Variants in CACNA1E observed in about 807,000 individuals in gnomAD.
CACNA1E encodes calcium voltage-gated channel subunit alpha1 E.
Under a neutral mutation model 259.2 loss-of-function variants are expected in CACNA1E, and 40 were observed. The observed-to-expected ratio is 0.15, with a 90% CI of 0.12 to 0.20. The LOEUF (loss-of-function observed/expected upper bound fraction) is 0.20, where lower values mean the gene tolerates loss of function less well. Among genes scored for constraint, CACNA1E ranks in the 10% least tolerant of loss-of-function variants. The pLI, the probability that CACNA1E is intolerant of heterozygous loss-of-function variation, is 1.00. For missense variants in CACNA1E, 1,874 were observed against 3,040.1 expected, an observed-to-expected ratio of 0.62 and a Z score of 9.02; for synonymous variants, 1,104 against 1,138.5, an observed-to-expected ratio of 0.97 and a Z score of 0.61.
intron 2 of CACNA1E, among the ~76,000 whole-genome samples, chr1:181,416,892 C>T (rs368794866): frequency 2.0e-5 from 3 of 152,154 alleles, no homozygotes; most frequent in African/African-American, 7.2e-5. Context: ...CTCTTCCCCA[C>T]GTCTTCAGCT....
At chr1:181,686,291 T>TG (rs1312206325) in intron 7 of CACNA1E, among the ~76,000 whole-genome samples, 3 of 135,816 alleles carry the variant, frequency 2.2e-5, no homozygotes, top group African/African-American at 8.4e-5. Flanking sequence ...TTTTTTTTTT[T>TG]TTTTTTTTTT....
intron 6 of CACNA1E, among the ~76,000 whole-genome samples, chr1:181,641,115 C>T (rs1018434431): frequency 6.6e-6 from 1 of 152,214 alleles, no homozygotes; most frequent in Non-Finnish European, 1.5e-5. Context: ...CTTTCTCATT[C>T]ATCTTGTGCA....
At chr1:181,344,748 T>C (rs1478782717) in intron 1 of CACNA1E, among the ~76,000 whole-genome samples, 2 of 152,208 alleles carry the variant, frequency 1.3e-5, no homozygotes, top group African/African-American at 4.8e-5. Flanking sequence ...GAGTGCAAGA[T>C]AGAGGGCCCT....
intron 3 of CACNA1E, among the ~76,000 whole-genome samples, chr1:181,575,246 C>T (rs1650853969): frequency 6.6e-6 from 1 of 152,146 alleles, no homozygotes; most frequent in Non-Finnish European, 1.5e-5. Flanking sequence ...GGCTGCATGG[C>T]CCTGGCTGCA....
rs781503312 is a variant in CACNA1E at position 181,511,494 on chromosome 1, A to G, written c.496A>G (p.Ile166Val). The change falls in exon 3 of 48, where the codon ATC (isoleucine) becomes GTC (valine). Residue 166 changes from isoleucine to valine, a missense_variant. Transcript: ENST00000367573. The part of the protein sequence containing the change: ...LRNGWNVMDF[I>V]VVLSGILATA... ...CAATGGCTGGAATGTCATGGACTTC[A>G]TCGTGGTCCTCAGTGGGTAAGTCCA... 15 of 1,613,706 alleles carry G rather than the reference A, an allele frequency of 9.3e-6. No individual in the cohort carries two copies. Among genetic ancestry groups the G allele is most frequent in the Non-Finnish European group, 1.3e-5 (15 of 1,179,878 alleles).
intron 2 of CACNA1E, among the ~76,000 whole-genome samples, chr1:181,468,831 T>C (rs1460845338): frequency 2.6e-5 from 4 of 151,922 alleles, no homozygotes; most frequent in Admixed American, 1.3e-4. Context: ...ATGGAGGAGG[T>C]CAATTACAAG....
At chr1:181,612,658 G>A (rs1351281191) in intron 6 of CACNA1E, among the ~76,000 whole-genome samples, 1 of 152,138 alleles carries the variant, frequency 6.6e-6, no homozygotes, top group Non-Finnish European at 1.5e-5. Context: ...TTTTCTTTAA[G>A]GCAGCTGGGA....
chr1:181,353,413 G>C (rs1448562258), intron 1 of CACNA1E, among the ~76,000 whole-genome samples: 1 of 152,210 alleles, frequency 6.6e-6, no homozygotes, highest in East Asian at 1.9e-4. Flanking sequence ...AGAGTCAAGG[G>C]TGGCTTTCTG....
At chr1:181,561,692 A>T (rs1933050) in intron 3 of CACNA1E, among the ~76,000 whole-genome samples, 57,405 of 152,022 alleles carry the variant, frequency 0.38, 13,403 homozygotes, top group East Asian at 0.68. Context: ...CAATCGAGGG[A>T]CATTTCAGTT....
At chr1:181,705,643 G>T (rs1234020365) in intron 7 of CACNA1E, among the ~76,000 whole-genome samples, 1 of 152,204 alleles carries the variant, frequency 6.6e-6, no homozygotes, top group East Asian at 1.9e-4. Context: ...AGCCAGGTTT[G>T]GGGCTGGAGG....
At chr1:181,626,741 C>T (rs1207713185) in intron 6 of CACNA1E, among the ~76,000 whole-genome samples, 1 of 152,208 alleles carries the variant, frequency 6.6e-6, no homozygotes, top group African/African-American at 2.4e-5. Flanking sequence ...TTATGATTCA[C>T]TTTCTCTTTC....
chr1:181,680,676 A>C (rs1348223425), intron 7 of CACNA1E, among the ~76,000 whole-genome samples: 2 of 151,732 alleles, frequency 1.3e-5, no homozygotes, highest in Non-Finnish European at 2.9e-5. Flanking sequence ...ACTTCACCAC[A>C]CCCCATCCCT....
intron 1 of CACNA1E, among the ~76,000 whole-genome samples, chr1:181,370,496 G>A (rs896408209): frequency 1.3e-5 from 2 of 152,070 alleles, no homozygotes; most frequent in Non-Finnish European, 2.9e-5. Context: ...TGTACTCAAT[G>A]TTTGGCTCCC....
At chr1:181,475,924 A>G (rs960636021) in intron 2 of CACNA1E, among the ~76,000 whole-genome samples, 6 of 152,146 alleles carry the variant, frequency 3.9e-5, no homozygotes, top group Non-Finnish European at 8.8e-5. Context: ...TTGAAATGGC[A>G]GGTAAGGATA....
intron 1 of CACNA1E, among the ~76,000 whole-genome samples, chr1:181,371,325 G>A (rs1014078708): frequency 3.3e-5 from 5 of 152,084 alleles, no homozygotes; most frequent in African/African-American, 1.2e-4. Context: ...GCAATAGTGT[G>A]ATCATAGGTC....
At chr1:181,497,695 G>A (rs1180946381) in intron 1 of CACNA1E, among the ~76,000 whole-genome samples, 8 of 152,184 alleles carry the variant, frequency 5.3e-5, no homozygotes, top group African/African-American at 1.9e-4. Context: ...TCTTTCCATT[G>A]TTTCATGCTG....
intron 1 of CACNA1E, among the ~76,000 whole-genome samples, chr1:181,333,351 A>G (rs1242103415): frequency 1.3e-5 from 2 of 152,094 alleles, no homozygotes; most frequent in Non-Finnish European, 2.9e-5. Flanking sequence ...CCAAGCCCAC[A>G]CCCATTACAT....
At chr1:181,632,862 A>G (rs561224340) in intron 6 of CACNA1E, among the ~76,000 whole-genome samples, 1 of 152,306 alleles carries the variant, frequency 6.6e-6, no homozygotes, top group African/African-American at 2.4e-5. Flanking sequence ...TCAAGACACA[A>G]TCCATGTATT....
At chr1:181,737,395 T>C (rs1285993667) in intron 22 of CACNA1E, 130 bp from the exon 23 acceptor site, 1 of 1,007,114 alleles carries the variant, frequency 9.9e-7, no homozygotes. Context: ...ATTAAATTGC[T>C]CTCCCTGGCG....
Sources: gnomAD v4.1 joint callset for allele counts (sites outside exome capture counted in the v4.1 genomes callset) on GRCh38, gnomAD v4.1.1 for gene constraint, MANE v1.5 for transcripts, NCBI Gene and HGNC (gene_info 2026-07-23, HGNC 2026-07-21) for gene names.